Variants in CCDC92 observed in about 807,000 individuals in gnomAD.
CCDC92 encodes coiled-coil domain containing 92, also known as coiled-coil domain-containing protein 92.
Under a neutral mutation model 24.9 loss-of-function variants are expected in CCDC92, and 12 were observed. The observed-to-expected ratio is 0.48, with a 90% CI of 0.31 to 0.78. The LOEUF (loss-of-function observed/expected upper bound fraction) is 0.78, where lower values mean the gene tolerates loss of function less well. Among genes scored for constraint, CCDC92 ranks in the 30% least tolerant of loss-of-function variants. The pLI is 0.05. For synonymous variants in CCDC92, 193 were observed against 196.3 expected (o/e 0.98, Z 0.14); for missense variants, 399 against 439.4 (o/e 0.91, Z 0.82).
rs944362242 is a variant in CCDC92, at chr12:123,937,917, G to A, written c.224-87C>T. ...CCTATGGGGCAGGCGGACCTGTCTG[G>A]TGGGGGCCCTGTCTAGGCTGTGGGG... On this transcript the variant is annotated intron_variant, in intron 4 of 4. Coordinates refer to ENST00000238156, the MANE Select transcript of CCDC92 (RefSeq NM_025140.3). The surrounding 1 kb of genome is among the most constrained non-coding windows in gnomAD (Gnocchi z 8.4). 3 of 1,372,442 alleles carry A rather than the reference G, an allele frequency of 2.2e-6. No homozygotes were observed. The highest frequency in any genetic ancestry group is 3.0e-6 in the Non-Finnish European group (3 of 1,010,032). The allele number at this position is 1,372,442 out of a possible 1,614,324, so 85.0% of individuals were successfully genotyped here. A position where few individuals can be genotyped will look rare whatever the true frequency, so the allele number is the denominator to read the frequency against.
chr12:123,942,418 G>A (rs1955712101), intron 4 of CCDC92, among the ~76,000 whole-genome samples: 1 of 152,222 alleles, frequency 6.6e-6, no homozygotes, highest in Admixed American at 6.5e-5. Context: ...CTCCTTTTGG[G>A]TTTAACTCAC....
intron 1 of CCDC92, among the ~76,000 whole-genome samples, chr12:123,968,797 G>A (rs184392536): frequency 1.6e-4 from 25 of 152,254 alleles, no homozygotes; most frequent in Admixed American, 9.8e-4. Flanking sequence ...TTTAAAAGAC[G>A]TTTAAAAAGT....
At chr12:123,965,880 G>A (rs1243845045) in intron 1 of CCDC92, among the ~76,000 whole-genome samples, 1 of 152,230 alleles carries the variant, frequency 6.6e-6, no homozygotes, top group East Asian at 1.9e-4. Flanking sequence ...GTCCATTCAT[G>A]TTGTGGGAAG....
chr12:123,967,788 CA>C (rs1186606670), intron 1 of CCDC92, among the ~76,000 whole-genome samples: 2 of 152,166 alleles, frequency 1.3e-5, no homozygotes, highest in African/African-American at 4.8e-5. Flanking sequence ...TTGAGAATGA[CA>C]ATTTACATGT....
chr12:123,940,450 C>T (rs368081676), intron 4 of CCDC92, among the ~76,000 whole-genome samples: 17 of 152,318 alleles, frequency 1.1e-4, no homozygotes, highest in South Asian at 8.3e-4. Context: ...TGATGTTTAC[C>T]GGCCCCGACT....
chr12:123,952,095 G>C (rs1956040013), intron 1 of CCDC92, among the ~76,000 whole-genome samples: 1 of 152,182 alleles, frequency 6.6e-6, no homozygotes, highest in African/African-American at 2.4e-5. Context: ...TCATGGGGTG[G>C]CTTTAAGTGC....
At chr12:123,938,428 T>A (rs1955590523) in intron 4 of CCDC92, among the ~76,000 whole-genome samples, 1 of 152,056 alleles carries the variant, frequency 6.6e-6, no homozygotes, top group Non-Finnish European at 1.5e-5. Flanking sequence ...TTACCCTTGG[T>A]CCCTCCCTGC....
At chr12:123,952,781 G>A (rs903962825) in intron 1 of CCDC92, among the ~76,000 whole-genome samples, 5 of 152,166 alleles carry the variant, frequency 3.3e-5, no homozygotes, top group African/African-American at 1.2e-4. Context: ...ATTACAAAGT[G>A]GAAGCAAAAA....
chr12:123,952,304 G>A (rs1956045933), intron 1 of CCDC92, among the ~76,000 whole-genome samples: 1 of 152,188 alleles, frequency 6.6e-6, no homozygotes, highest in African/African-American at 2.4e-5. Context: ...AAGAGGGAAG[G>A]ATAAAAGCAA....
chr12:123,963,446 T>C (rs1956321278), intron 1 of CCDC92, among the ~76,000 whole-genome samples: 2 of 152,198 alleles, frequency 1.3e-5, no homozygotes, highest in East Asian at 3.8e-4. Flanking sequence ...CCTTGTATCT[T>C]ACACGCTCAG....
At chr12:123,953,245 CAAAAA>C (rs78040312) in intron 1 of CCDC92, among the ~76,000 whole-genome samples, 1 of 89,882 alleles carries the variant, frequency 1.1e-5, no homozygotes, top group African/African-American at 3.7e-5. Context: ...CAGTAGCAAC[CAAAAA>C]AAAAAAAAAA....
At chr12:123,946,823 G>C (rs1955882841) in intron 1 of CCDC92, 1 of 152,994 alleles carries the variant, frequency 6.5e-6, no homozygotes, top group African/African-American at 2.4e-5. Context: ...CACCTCCTCT[G>C]CCTGGGCTCC....
At chr12:123,951,886 C>T (rs373213411) in intron 1 of CCDC92, among the ~76,000 whole-genome samples, 1 of 152,192 alleles carries the variant, frequency 6.6e-6, no homozygotes, top group Non-Finnish European at 1.5e-5. Flanking sequence ...AGTCAGAAAA[C>T]ATTGAGGGTA....
Position 123,937,958 on chromosome 12 carries a change from G to A in CCDC92, c.224-128C>T. ...GGCTGTGGGGGCCATGCAGAAGGCAGGGCTGTGGGGGCTCTGGAAAGACCC... is the reference window on the plus strand; with the variant it reads ...GGCTGTGGGGGCCATGCAGAAGGCAAGGCTGTGGGGGCTCTGGAAAGACCC... On this transcript the variant is annotated intron_variant, in intron 4 of 4. Coordinates refer to ENST00000238156, the MANE Select transcript of CCDC92 (RefSeq NM_025140.3). The surrounding 1 kb of genome is among the most constrained non-coding windows in gnomAD (Gnocchi z 8.4). The A allele has an allele frequency of 2.2e-6, 2 of 904,502 alleles. No individual in the cohort carries two copies. The highest frequency in any genetic ancestry group is 2.6e-5 in the Admixed American group (1 of 38,432). The allele number at this position is 904,502 out of a possible 1,614,324, so 56.0% of individuals were successfully genotyped here. A position where few individuals can be genotyped will look rare whatever the true frequency, so the allele number is the denominator to read the frequency against.
At chr12:123,945,958 T>C in intron 1 of CCDC92, 1 of 14,416 alleles carries the variant, frequency 6.9e-5, no homozygotes, top group Non-Finnish European at 1.5e-4. Context: ...CTGCACAACC[T>C]GGGGGTGGCC....
intron 1 of CCDC92, among the ~76,000 whole-genome samples, chr12:123,959,612 C>G (rs1317301538): frequency 6.6e-6 from 1 of 152,114 alleles, no homozygotes; most frequent in Non-Finnish European, 1.5e-5. Flanking sequence ...GCCTTAGGTG[C>G]CAGGCTTATA....
At chr12:123,963,037 C>A (rs1272675865) in intron 1 of CCDC92, among the ~76,000 whole-genome samples, 1 of 152,118 alleles carries the variant, frequency 6.6e-6, no homozygotes, top group South Asian at 2.1e-4. Context: ...GGGCATCTGG[C>A]GATGTCTGGA....
chr12:123,971,075 G>T (rs1032858780), intron 1 of CCDC92, among the ~76,000 whole-genome samples: 1 of 152,178 alleles, frequency 6.6e-6, no homozygotes, highest in African/African-American at 2.4e-5. Context: ...TTGTTAGACC[G>T]ATGTATTTAA....
At chr12:123,959,447 A>G (rs971579219) in intron 1 of CCDC92, among the ~76,000 whole-genome samples, 16 of 152,022 alleles carry the variant, frequency 1.1e-4, no homozygotes, top group Non-Finnish European at 2.4e-4. Flanking sequence ...TGGGACTACC[A>G]GTGTGCACCA....
Sources: gnomAD v4.1 joint callset for allele counts (sites outside exome capture counted in the v4.1 genomes callset) on GRCh38, gnomAD v4.1.1 for gene constraint, Gnocchi (gnomAD v3.1) non-coding constraint, MANE v1.5 for transcripts, NCBI Gene and HGNC (gene_info 2026-07-23, HGNC 2026-07-21) for gene names.